CD86: variants seen among roughly 807,000 people sequenced by gnomAD.
CD86 encodes CD86 molecule.
Under a neutral mutation model 32.1 loss-of-function variants are expected in CD86, and 11 were observed. That is an observed-to-expected ratio of 0.34 (90% CI 0.22 to 0.57). CD86 has a LOEUF of 0.57. CD86 is among the 20% of genes least tolerant of loss of function. The pLI, the probability that CD86 is intolerant of heterozygous loss-of-function variation, is 0.86. For synonymous variants in CD86, 137 were observed against 135.3 expected (o/e 1.01, Z -0.09); for missense variants, 359 against 398.4 (o/e 0.90, Z 0.84).
chr3:122,085,448 G>A (rs2107521313), intron 1 of CD86, among the ~76,000 whole-genome samples: 1 of 152,322 alleles, frequency 6.6e-6, no homozygotes, highest in Middle Eastern at 3.4e-3. Context: ...TACCCACTGT[G>A]TGCCAGGTAC....
rs2073328157 is a variant in CD86, at chr3:122,120,538, TG to T, written c.*1006del. 6.6e-6 allele frequency: 1 copy of T among 152,224 alleles called. No homozygotes were observed. Among genetic ancestry groups the T allele is most frequent in the East Asian group, 1.9e-4 (1 of 5,192 alleles). 9.4% of individuals were successfully genotyped at this position (152,224 alleles called of 1,614,324 possible). On this transcript the variant is annotated 3_prime_UTR_variant, in exon 7 of 7. Transcript: ENST00000330540. ...GACATAAGACAGACAGCAGTTTCCC[TG>T]GTGGTCAGGGAGGGGTTTTGGTGAT...
At chr3:122,077,430 C>T (rs2072569709) in intron 1 of CD86, among the ~76,000 whole-genome samples, 1 of 152,146 alleles carries the variant, frequency 6.6e-6, no homozygotes, top group Non-Finnish European at 1.5e-5. Flanking sequence ...TTGTGTATGT[C>T]AATTGCCTTC....
In CD86 at chr3:122,106,299, A is replaced by C; in HGVS notation, c.502A>C (p.Lys168Gln). The stretch of plus-strand genomic sequence containing the variant: ...TATACACGGTTACCCAGAACCTAAG[A>C]AGATGAGTGTTTTGCTAAGAACCAA... ...SSIHGYPEPKKMSVLLRTKNS... is the reference protein window; with the variant it reads ...SSIHGYPEPKQMSVLLRTKNS... The change falls in exon 4 of 7, where the codon AAG (lysine) becomes CAG (glutamine). Residue 168 changes from lysine (K) to glutamine (Q), a missense_variant. Physicochemically the swap from Lys to Gln is moderately conservative, Grantham distance 53. Transcript: ENST00000330540. 6.2e-7 allele frequency: 1 copy of C among 1,613,950 alleles called. No individual in the cohort carries two copies. The highest frequency in any genetic ancestry group is 8.5e-7 in the Non-Finnish European group (1 of 1,179,802).
chr3:122,091,974 T>A, intron 2 of CD86: 1 of 250,026 alleles, frequency 4.0e-6, no homozygotes, highest in Non-Finnish European at 7.7e-6. Flanking sequence ...CTGAGGCCCC[T>A]GAGACTTGAC....
intron 1 of CD86, among the ~76,000 whole-genome samples, chr3:122,065,729 GA>G (rs770043025): frequency 4.6e-5 from 7 of 152,196 alleles, no homozygotes; most frequent in African/African-American, 7.2e-5. Flanking sequence ...TGGGAGTCCA[GA>G]AATGAAGGTT....
intron 2 of CD86, among the ~76,000 whole-genome samples, chr3:122,095,807 G>A (rs2072898446): frequency 6.6e-6 from 1 of 152,068 alleles, no homozygotes; most frequent in Non-Finnish European, 1.5e-5. Context: ...GATTGTTTCA[G>A]GAGGGCTTTT....
intron 1 of CD86, among the ~76,000 whole-genome samples, chr3:122,079,939 A>G (rs963535323): frequency 6.6e-6 from 1 of 152,176 alleles, no homozygotes; most frequent in African/African-American, 2.4e-5. Context: ...AACAAACAAA[A>G]AAAACCCTCT....
At chr3:122,060,597 G>C (rs1230698612) in intron 1 of CD86, among the ~76,000 whole-genome samples, 2 of 151,824 alleles carry the variant, frequency 1.3e-5, no homozygotes, top group Admixed American at 6.6e-5. Context: ...AGACCAGTCT[G>C]AGCAACATAG....
chr3:122,071,951 C>T (rs904313386), intron 1 of CD86, among the ~76,000 whole-genome samples: 1 of 142,406 alleles, frequency 7.0e-6, no homozygotes, highest in Admixed American at 7.6e-5. Context: ...CATTGTTCAA[C>T]TCCTATCTAT....
intron 1 of CD86, among the ~76,000 whole-genome samples, chr3:122,063,046 A>G (rs2072361600): frequency 6.6e-6 from 1 of 152,228 alleles, no homozygotes; most frequent in Non-Finnish European, 1.5e-5. Context: ...GCTGCCTAAA[A>G]TAAATTTTAT....
chr3:122,091,513 A>G, intron 1 of CD86, 88 bp from the exon 2 acceptor site: 1 of 1,060,106 alleles, frequency 9.4e-7, no homozygotes, highest in Non-Finnish European at 1.5e-6. Flanking sequence ...GTGAATCCCA[A>G]ACTCCACGTC....
intron 2 of CD86, among the ~76,000 whole-genome samples, chr3:122,101,301 A>T (rs934303689): frequency 1.3e-5 from 2 of 151,864 alleles, no homozygotes; most frequent in African/African-American, 4.8e-5. Context: ...GTTTCAGACC[A>T]GCCCACATGT....
At chr3:122,103,893 G>A (rs1434747863) in intron 3 of CD86, 46 bp downstream of exon 3, 1 of 1,471,636 alleles carries the variant, frequency 6.8e-7, no homozygotes, top group Non-Finnish European at 9.4e-7. Flanking sequence ...CTTCTCAGAT[G>A]AGACTGCAAA....
chr3:122,102,883 C>T (rs923433386), intron 2 of CD86, among the ~76,000 whole-genome samples: 1 of 136,790 alleles, frequency 7.3e-6, no homozygotes, highest in Admixed American at 7.0e-5. Flanking sequence ...GAAGTGCTGG[C>T]CATGGGAGCA....
intron 1 of CD86, among the ~76,000 whole-genome samples, chr3:122,062,175 C>T (rs1218246203): frequency 6.6e-6 from 1 of 151,410 alleles, no homozygotes; most frequent in East Asian, 1.9e-4. Flanking sequence ...TCTCCTTTTA[C>T]AAATTAACAA....
At chr3:122,064,834 G>A (rs1210813951) in intron 1 of CD86, among the ~76,000 whole-genome samples, 2 of 152,142 alleles carry the variant, frequency 1.3e-5, no homozygotes, top group African/African-American at 4.8e-5. Flanking sequence ...CCAGGCTTTA[G>A]TGAGTCAGAG....
At chr3:122,098,060 A>C (rs2072936964) in intron 2 of CD86, among the ~76,000 whole-genome samples, 1 of 152,194 alleles carries the variant, frequency 6.6e-6, no homozygotes, top group African/African-American at 2.4e-5. Flanking sequence ...CTTCCTCAGC[A>C]AGGCTTGTCA....
intron 2 of CD86, among the ~76,000 whole-genome samples, chr3:122,101,125 G>C (rs1477653979): frequency 6.6e-6 from 1 of 152,098 alleles, no homozygotes; most frequent in Non-Finnish European, 1.5e-5. Flanking sequence ...ATGGGGAGGA[G>C]AGGGAGTCTG....
At chr3:122,095,986 C>T (rs1384070151) in intron 2 of CD86, among the ~76,000 whole-genome samples, 6 of 152,182 alleles carry the variant, frequency 3.9e-5, no homozygotes. Flanking sequence ...GTTTGAGAGA[C>T]TGTGGCTTAT....
Sources: allele counts gnomAD v4.1 joint callset (sites outside exome capture counted in the v4.1 genomes callset), GRCh38; gene constraint gnomAD v4.1.1; transcripts MANE v1.5; gene names NCBI Gene and HGNC (gene_info 2026-07-23, HGNC 2026-07-21).